Variants in SPIDR observed in about 807,000 individuals in gnomAD.
SPIDR encodes scaffold protein involved in DNA repair, also known as DNA repair-scaffolding protein.
A neutral mutation model predicts 104.6 loss-of-function variants in SPIDR; 93 were observed. The observed-to-expected ratio is 0.89, with a 90% confidence interval of 0.75 to 1.06. The LOEUF (loss-of-function observed/expected upper bound fraction) is 1.06. Among genes scored for constraint, SPIDR ranks in the 50% least tolerant of loss-of-function variants. SPIDR has a pLI of 0.00. For synonymous variants in SPIDR, 431 were observed against 416.9 expected (o/e 1.03, Z -0.41); for missense variants, 1,154 against 1,111.2 (o/e 1.04, Z -0.55).
intron 8 of SPIDR, among the ~76,000 whole-genome samples, chr8:47,561,359 C>T (rs2057050800): frequency 6.6e-6 from 1 of 152,194 alleles, no homozygotes; most frequent in South Asian, 2.1e-4. Flanking sequence ...CTGTTCAGTA[C>T]CTTGCTCATT....
intron 7 of SPIDR, among the ~76,000 whole-genome samples, chr8:47,433,026 G>C (rs2067636458): frequency 6.6e-6 from 1 of 152,058 alleles, no homozygotes; most frequent in South Asian, 2.1e-4. Flanking sequence ...CATACTACCT[G>C]CACCTCCCAG....
intron 7 of SPIDR, among the ~76,000 whole-genome samples, chr8:47,436,548 CCT>C (rs2154341664): frequency 6.6e-6 from 1 of 152,074 alleles, no homozygotes; most frequent in South Asian, 2.1e-4. Flanking sequence ...AAAGTGAGAC[CCT>C]GTCTCTACAA....
At position 47,735,992 on chromosome 8, in the gene SPIDR, GCT is replaced by G. The variant is rs2086205858; in HGVS notation, c.*547_*548del. ...GTGAAACTGTTACCCATAAAGTGTA[GCT>G]CTCTGAACTGGTGTGATCGTGTCTC... On this transcript the variant is annotated 3_prime_UTR_variant, in exon 20 of 20. Transcript: ENST00000297423. The G allele has an allele frequency of 4.9e-6, 1 of 204,416 alleles. No homozygotes were observed. Among genetic ancestry groups the G allele is most frequent in the Non-Finnish European group, 1.0e-5 (1 of 99,048 alleles). 12.7% of individuals were successfully genotyped at this position (204,416 alleles called of 1,614,324 possible).
At chr8:47,719,154 A>G (rs2083012954) in intron 16 of SPIDR, among the ~76,000 whole-genome samples, 1 of 152,158 alleles carries the variant, frequency 6.6e-6, no homozygotes, top group African/African-American at 2.4e-5. Context: ...CTAGGAACCT[A>G]AAGTCACTTT....
intron 16 of SPIDR, among the ~76,000 whole-genome samples, chr8:47,714,849 A>C (rs1251829811): frequency 6.6e-6 from 1 of 152,228 alleles, no homozygotes; most frequent in Non-Finnish European, 1.5e-5. Flanking sequence ...ATTATTAAAC[A>C]AGGCTGTAAT....
chr8:47,321,520 C>T (rs1238006695), intron 5 of SPIDR, among the ~76,000 whole-genome samples: 4 of 152,196 alleles, frequency 2.6e-5, no homozygotes, highest in Admixed American at 2.6e-4. Flanking sequence ...CCATACTGCC[C>T]AAGGTAATTT....
At chr8:47,627,248 G>T (rs2066305841) in intron 10 of SPIDR, among the ~76,000 whole-genome samples, 1 of 152,102 alleles carries the variant, frequency 6.6e-6, no homozygotes, top group South Asian at 2.1e-4. Context: ...TGGGGTGGCG[G>T]GAGCGGGGAG....
intron 5 of SPIDR, among the ~76,000 whole-genome samples, chr8:47,356,985 C>G (rs1395295763): frequency 6.6e-6 from 1 of 152,036 alleles, no homozygotes; most frequent in Non-Finnish European, 1.5e-5. Context: ...GGCTGTGTCT[C>G]AAATAAATTA....
intron 1 of SPIDR, among the ~76,000 whole-genome samples, chr8:47,273,331 A>G (rs1269455234): frequency 6.6e-6 from 1 of 152,206 alleles, no homozygotes; most frequent in Non-Finnish European, 1.5e-5. Context: ...CTGATTTTTT[A>G]TAAAGGTATT....
chr8:47,551,951 A>G (rs1471374287), intron 8 of SPIDR, among the ~76,000 whole-genome samples: 1 of 152,168 alleles, frequency 6.6e-6, no homozygotes, highest in African/African-American at 2.4e-5. Context: ...AATGTGTCCC[A>G]GAGATTCTGT....
chr8:47,526,227 G>T (rs981965802), intron 8 of SPIDR, among the ~76,000 whole-genome samples: 1 of 152,226 alleles, frequency 6.6e-6, no homozygotes, highest in Admixed American at 6.5e-5. Flanking sequence ...GGGTCAGCAA[G>T]TGGCCTTGCT....
At chr8:47,478,244 C>CAA (rs1436429484) in intron 8 of SPIDR, among the ~76,000 whole-genome samples, 1 of 152,078 alleles carries the variant, frequency 6.6e-6, no homozygotes, top group African/African-American at 2.4e-5. Flanking sequence ...TCTGAGGAAG[C>CAA]AAAAAGCAGT....
intron 7 of SPIDR, among the ~76,000 whole-genome samples, chr8:47,415,027 C>G (rs1554674325): frequency 6.6e-6 from 1 of 152,110 alleles, no homozygotes; most frequent in East Asian, 1.9e-4. Flanking sequence ...CCTCAGCCTC[C>G]CGAGTAGCTG....
At chr8:47,423,043 T>G (rs192725110) in intron 7 of SPIDR, among the ~76,000 whole-genome samples, 13 of 152,242 alleles carry the variant, frequency 8.5e-5, no homozygotes, top group Non-Finnish European at 1.3e-4. Context: ...TGGTGTCTCA[T>G]GCTTATAATC....
rs2039827445 is a variant in SPIDR at position 47,291,098 on chromosome 8, T to G, written c.322T>G (p.Leu108Val). ...DITWSSSGSDLSDEDKTLSQL... is the reference protein window; with the variant it reads ...DITWSSSGSDVSDEDKTLSQL... ...AACATGGAGCTCCAGTGGAAGTGAT[T>G]TGTCGGATGAAGATAAGACACTTTC... is the stretch of plus-strand genomic sequence containing the variant. Residue 108 changes from leucine (L) to valine (V), a missense_variant, in exon 4 of 20, where the codon TTG (leucine) becomes GTG (valine). Transcript: ENST00000297423. 1.9e-6 allele frequency: 3 copies of G among 1,613,170 alleles called. No homozygotes were observed. The highest frequency in any genetic ancestry group is 2.5e-6 in the Non-Finnish European group (3 of 1,179,506).
rs1343753542 is a variant in SPIDR at position 47,700,431 on chromosome 8, A to G, written c.1714A>G (p.Thr572Ala). The G allele has an allele frequency of 1.9e-6, 3 of 1,614,080 alleles. No individual in the cohort carries two copies. In the South Asian group the frequency reaches 3.3e-5, roughly 18 times the overall value. ...RTAGIFSLID[T>A]LWPPAIPLKT... ...AGCGGGGATTTTCAGTTTGATTGACACCCTGTGGCCCCCAGCGATACCTCT... is the reference window on the plus strand; with the variant it reads ...AGCGGGGATTTTCAGTTTGATTGACGCCCTGTGGCCCCCAGCGATACCTCT... The change falls in exon 12 of 20, where the codon ACC becomes GCC. Residue 572 changes from threonine (T) to alanine (A), a missense_variant. Transcript: ENST00000297423.
chr8:47,304,356 T>C (rs372890948), intron 5 of SPIDR, among the ~76,000 whole-genome samples: 4 of 152,224 alleles, frequency 2.6e-5, no homozygotes, highest in Admixed American at 2.6e-4. Context: ...TGAGTTCTTA[T>C]GTGAGCTGAT....
intron 10 of SPIDR, among the ~76,000 whole-genome samples, chr8:47,619,701 G>T (rs1198746140): frequency 6.6e-6 from 1 of 151,510 alleles, no homozygotes; most frequent in Non-Finnish European, 1.5e-5. Context: ...AACCTCCTGG[G>T]CTCAAGTGAT....
intron 8 of SPIDR, among the ~76,000 whole-genome samples, chr8:47,565,145 C>T (rs939682117): frequency 2.6e-5 from 4 of 152,104 alleles, no homozygotes; most frequent in African/African-American, 7.2e-5. Context: ...GCTTGGGAGG[C>T]CGAGGCAGAA....
Sources: gnomAD v4.1 joint callset for allele counts (sites outside exome capture counted in the v4.1 genomes callset) on GRCh38, gnomAD v4.1.1 for gene constraint, MANE v1.5 for transcripts, NCBI Gene and HGNC (gene_info 2026-07-23, HGNC 2026-07-21) for gene names.